Variants in CDCP1 observed in about 807,000 individuals in gnomAD.
The protein encoded by CDCP1 is CUB domain-containing protein 1.
A neutral mutation model predicts 60.2 loss-of-function variants in CDCP1; 29 were observed. The ratio of observed to expected loss-of-function variants is 0.48; its 90% CI spans 0.36 to 0.66. The LOEUF is 0.66. Among genes scored for constraint, CDCP1 ranks in the 30% least tolerant of loss-of-function variants. CDCP1 has a pLI of 0.00. For synonymous variants in CDCP1, 387 were observed against 431.1 expected (o/e 0.90, Z 1.27); for missense variants, 876 against 1,074.3 (o/e 0.82, Z 2.58).
At chr3:45,094,221 G>C (rs1236986834) in intron 5 of CDCP1, among the ~76,000 whole-genome samples, 1 of 113,050 alleles carries the variant, frequency 8.8e-6, no homozygotes, top group African/African-American at 2.9e-5. Flanking sequence ...CTGGCCTTCA[G>C]TCATCAAACA....
chr3:45,124,440 G>T (rs1395243218), intron 1 of CDCP1, among the ~76,000 whole-genome samples: 2 of 152,264 alleles, frequency 1.3e-5, no homozygotes, highest in East Asian at 3.9e-4. Flanking sequence ...CTCCCAGCCA[G>T]GGCTGGGCTC....
At chr3:45,093,738 T>A in intron 5 of CDCP1, 81 bp from the exon 6 acceptor site, 1 of 1,493,826 alleles carries the variant, frequency 6.7e-7, no homozygotes, top group African/African-American at 1.4e-5. Flanking sequence ...AGCCTGAGGT[T>A]GGGTGTCTGC....
intron 4 of CDCP1, among the ~76,000 whole-genome samples, chr3:45,102,882 C>A (rs987620590): frequency 6.6e-6 from 1 of 151,868 alleles, no homozygotes; most frequent in Admixed American, 6.6e-5. Flanking sequence ...TGGTCTCAGA[C>A]TCCTTTGGGC....
chr3:45,102,472 C>T (rs922184504), intron 4 of CDCP1, among the ~76,000 whole-genome samples: 1 of 151,804 alleles, frequency 6.6e-6, no homozygotes, highest in Non-Finnish European at 1.5e-5. Context: ...TCCAAACATA[C>T]GGTCTTAACC....
chr3:45,132,633 A>C (rs1325189077), intron 1 of CDCP1, among the ~76,000 whole-genome samples: 6 of 152,194 alleles, frequency 3.9e-5, no homozygotes, highest in African/African-American at 1.4e-4. Context: ...GGGCCACTAG[A>C]AGCCACCTGA....
Position 45,095,362 on chromosome 3 carries a change from C to T in CDCP1, c.1231G>A (p.Val411Met). 1 of 1,614,148 alleles carries T rather than the reference C, an allele frequency of 6.2e-7. No homozygotes were observed. Among genetic ancestry groups the T allele is most frequent in the Non-Finnish European group, 8.5e-7 (1 of 1,179,986 alleles). Residue 411 changes from valine to methionine, a missense_variant, in exon 5 of 9, where the codon GTG becomes ATG. This residue lies in a region of CDCP1 where 726 missense variants were observed against 935.7 expected (regional missense o/e 0.78). Transcript: ENST00000296129. ...AGGGGCGTACTTATGGTTTTTTCCA[C>T]ATTCATCCACAGACGTGTCAGATCA... ...CDDLTRLWMN[V>M]EKTISCTDHR...
At chr3:45,145,945 C>T (rs540013585) in intron 1 of CDCP1, among the ~76,000 whole-genome samples, 197 of 152,056 alleles carry the variant, frequency 1.3e-3, no homozygotes, top group African/African-American at 4.4e-3. Flanking sequence ...GGAGGCTCCC[C>T]GATCGGGGAC....
At chr3:45,106,439 A>G (rs1044920316) in intron 4 of CDCP1, among the ~76,000 whole-genome samples, 1 of 152,128 alleles carries the variant, frequency 6.6e-6, no homozygotes, top group African/African-American at 2.4e-5. Flanking sequence ...ACTTCACTGT[A>G]TCTGCCTTGC....
At chr3:45,114,415 T>C (rs867785644) in intron 2 of CDCP1, among the ~76,000 whole-genome samples, 3 of 149,026 alleles carry the variant, frequency 2.0e-5, no homozygotes, top group Admixed American at 6.7e-5. Context: ...TTAACTCTCT[T>C]TTTTTTTTTT....
In CDCP1 at chr3:45,091,471, G is replaced by A; in HGVS notation, c.1695C>T (p.Asp565=). ...SKVYLRTPNW[D]RGLPSLTSVS... ...CAGAGGTGAGGGATGGCAGGCCCCG[G>A]TCCCAGTTGGGGGTCCTCAGGTAGA... is the stretch of plus-strand genomic sequence containing the variant. Residue 565 remains aspartate (D), a synonymous_variant, in exon 7 of 9, where the codon GAC becomes GAT. Coordinates refer to ENST00000296129, the MANE Select transcript of CDCP1 (RefSeq NM_022842.5). The surrounding 1 kb of genome is among the most constrained non-coding windows in gnomAD (Gnocchi z 4.8). The A allele has an allele frequency of 6.2e-7, 1 of 1,610,406 alleles. No homozygotes were observed. Among genetic ancestry groups the A allele is most frequent in the Non-Finnish European group, 8.5e-7 (1 of 1,178,174 alleles).
At chr3:45,089,198 T>C (rs1354781438) in intron 7 of CDCP1, 57 bp from the exon 8 acceptor site, 4 of 1,412,854 alleles carry the variant, frequency 2.8e-6, no homozygotes, top group Non-Finnish European at 4.0e-6. Context: ...AGCTCTGCAA[T>C]GAACTTGAGG....
chr3:45,124,382 ACT>A (rs1467102164), intron 1 of CDCP1, among the ~76,000 whole-genome samples: 1 of 152,066 alleles, frequency 6.6e-6, no homozygotes, highest in Non-Finnish European at 1.5e-5. Flanking sequence ...TGCCTGTGGG[ACT>A]CGGCTCTCAT....
At chr3:45,108,888 C>CAT (rs369846391) in intron 4 of CDCP1, among the ~76,000 whole-genome samples, 899 of 32,470 alleles carry the variant, frequency 0.028, 334 homozygotes, top group Non-Finnish European at 0.049. Flanking sequence ...TGCATGTATA[C>CAT]ATATATATAT....
intron 7 of CDCP1, among the ~76,000 whole-genome samples, chr3:45,090,672 G>A (rs1038853206): frequency 2.0e-5 from 3 of 152,178 alleles, no homozygotes; most frequent in African/African-American, 4.8e-5. Context: ...GAATGCAGTC[G>A]AAGGGATGGT....
intron 5 of CDCP1, among the ~76,000 whole-genome samples, chr3:45,094,582 C>T (rs1279559358): frequency 1.3e-5 from 2 of 151,998 alleles, no homozygotes; most frequent in African/African-American, 4.8e-5. Flanking sequence ...TTTCAAGTGA[C>T]TAGTGCATGT....
At chr3:45,118,736 C>T in intron 1 of CDCP1, 115 bp from the exon 2 acceptor site, 1 of 752,938 alleles carries the variant, frequency 1.3e-6, no homozygotes, top group Non-Finnish European at 2.2e-6. Context: ...TTTGTTCCTT[C>T]CCTCCTTTTC....
At chr3:45,126,158 CTTTCTTT>C (rs1698989368) in intron 1 of CDCP1, among the ~76,000 whole-genome samples, 1 of 144,566 alleles carries the variant, frequency 6.9e-6, no homozygotes, top group Non-Finnish European at 1.5e-5. Context: ...TTCTTTCTTT[CTTTCTTT>C]CTTTCTTTCC....
chr3:45,124,114 A>G (rs1346736484), intron 1 of CDCP1, among the ~76,000 whole-genome samples: 1 of 152,152 alleles, frequency 6.6e-6, no homozygotes, highest in Non-Finnish European at 1.5e-5. Flanking sequence ...TGTTTTAATC[A>G]TCATTCATGA....
chr3:45,110,868 AAGAAT>A (rs1456057208), intron 3 of CDCP1, 27 bp from the exon 4 acceptor site: 1 of 1,590,800 alleles, frequency 6.3e-7, no homozygotes, highest in Non-Finnish European at 8.6e-7. Context: ...CCAAACCAGA[AAGAAT>A]AGGGAGCCAT....
Sources: allele counts gnomAD v4.1 joint callset (sites outside exome capture counted in the v4.1 genomes callset), GRCh38; gene constraint gnomAD v4.1.1; regional missense constraint gnomAD v4.1.1; non-coding constraint Gnocchi (gnomAD v3.1); transcripts MANE v1.5; gene names NCBI Gene and HGNC (gene_info 2026-07-23, HGNC 2026-07-21).